The following KIAA1958 variants were observed in gnomAD, a reference collection of about 807,000 sequenced individuals.
KIAA1958 encodes the protein KIAA1958, also known as uncharacterized protein KIAA1958.
KIAA1958 carries 14 observed loss-of-function variants against 47.2 expected under a neutral mutation model. The ratio of observed to expected loss-of-function variants is 0.30; its 90% CI spans 0.20 to 0.46. The LOEUF is 0.46. Ranked by LOEUF, KIAA1958 falls within the 20% of genes least tolerant of loss-of-function variation. The probability of loss-of-function intolerance (pLI) is 1.00; values close to 1 mark genes in which losing one functional copy is unlikely to be tolerated. For synonymous variants in KIAA1958, 354 were observed against 353.3 expected (o/e 1.00, Z -0.02); for missense variants, 803 against 909.2 (o/e 0.88, Z 1.50).
chr9:112,617,075 A>G (rs1301196218), intron 2 of KIAA1958, among the ~76,000 whole-genome samples: 1 of 152,222 alleles, frequency 6.6e-6, no homozygotes, highest in African/African-American at 2.4e-5. Flanking sequence ...CAAAACAGAA[A>G]GAGGCACCTC....
Position 112,659,849 on chromosome 9 carries a change from C to A in KIAA1958, c.1931C>A (p.Thr644Asn), listed in dbSNP as rs114233958. ...TACATGTACATCCACCGGCCGCCCA[C>A]CCAAATGGAGGCCAAGTCCCCCTTC... Reference protein sequence around the residue: ...YKYMYIHRPPTQMEAKSPFYL... With the variant: ...YKYMYIHRPPNQMEAKSPFYL... Residue 644 changes from threonine to asparagine, a missense_variant, in exon 4 of 4, where the codon ACC becomes AAC. Physicochemically the swap from Thr to Asn is moderately conservative, Grantham distance 65. Transcript: ENST00000337530. 1,023 of 1,614,156 alleles carry A rather than the reference C, an allele frequency of 6.3e-4. 8 individuals are homozygous for A. In the African/African-American group the frequency reaches 0.012, roughly 18 times the overall value.
chr9:112,599,617 A>G (rs1440908760), intron 2 of KIAA1958, among the ~76,000 whole-genome samples: 7 of 152,212 alleles, frequency 4.6e-5, no homozygotes, highest in Admixed American at 2.0e-4. Flanking sequence ...AAGGAGAGCC[A>G]TATGTGCAAA....
chr9:112,649,908 G>A, intron 3 of KIAA1958, among the ~76,000 whole-genome samples: 1 of 151,974 alleles, frequency 6.6e-6, no homozygotes, highest in Non-Finnish European at 1.5e-5. Flanking sequence ...TCTAAACAAA[G>A]GAATGAAGAT....
chr9:112,513,635 G>T (rs1181986587), intron 1 of KIAA1958, among the ~76,000 whole-genome samples: 1 of 126,590 alleles, frequency 7.9e-6, no homozygotes, highest in Non-Finnish European at 1.7e-5. Context: ...CGACCGCCGG[G>T]AGGATGGAGT....
intron 1 of KIAA1958, among the ~76,000 whole-genome samples, chr9:112,493,055 A>G (rs1833997817): frequency 6.6e-6 from 1 of 151,858 alleles, no homozygotes; most frequent in African/African-American, 2.4e-5. Context: ...CCTGGCCAAA[A>G]TTCTTAATAG....
chr9:112,597,017 C>T (rs906622678), intron 2 of KIAA1958, among the ~76,000 whole-genome samples: 1 of 13,150 alleles, frequency 7.6e-5, no homozygotes, highest in Non-Finnish European at 1.3e-4. Flanking sequence ...AGTATTTCAT[C>T]TCTTAAAATT....
intron 1 of KIAA1958, among the ~76,000 whole-genome samples, chr9:112,559,672 T>G (rs1835294785): frequency 6.6e-6 from 1 of 152,238 alleles, no homozygotes; most frequent in Non-Finnish European, 1.5e-5. Context: ...TTCTTTGTTA[T>G]GAGACACTGT....
chr9:112,655,633 C>T (rs1837138125), intron 3 of KIAA1958, among the ~76,000 whole-genome samples: 2 of 152,166 alleles, frequency 1.3e-5, no homozygotes, highest in African/African-American at 4.8e-5. Flanking sequence ...GGGTAAATAG[C>T]CAAGGCTAGT....
At chr9:112,651,416 A>G (rs1837053679) in intron 3 of KIAA1958, among the ~76,000 whole-genome samples, 1 of 145,288 alleles carries the variant, frequency 6.9e-6, no homozygotes, top group South Asian at 2.1e-4. Context: ...TTTTTCGGAG[A>G]CAGAGTCTCA....
intron 2 of KIAA1958, among the ~76,000 whole-genome samples, chr9:112,594,033 T>G (rs1006154582): frequency 3.3e-5 from 5 of 152,020 alleles, no homozygotes; most frequent in African/African-American, 1.2e-4. Flanking sequence ...TCTGGCTATT[T>G]TTATTGTTTT....
chr9:112,558,173 C>T (rs944041755), intron 1 of KIAA1958, among the ~76,000 whole-genome samples: 5 of 151,752 alleles, frequency 3.3e-5, no homozygotes, highest in South Asian at 2.1e-4. Flanking sequence ...TACAGTGAAC[C>T]GAGATCGCGC....
chr9:112,518,240 C>G (rs1834472344), intron 1 of KIAA1958, among the ~76,000 whole-genome samples: 4 of 152,224 alleles, frequency 2.6e-5, no homozygotes, highest in Middle Eastern at 6.8e-3. Flanking sequence ...AAAAGGAAAG[C>G]ATGTATATGT....
chr9:112,646,470 A>C (rs1452309333), intron 3 of KIAA1958, among the ~76,000 whole-genome samples: 1 of 152,262 alleles, frequency 6.6e-6, no homozygotes, highest in African/African-American at 2.4e-5. Flanking sequence ...GAGAGAAGAA[A>C]CATAATGAAA....
chr9:112,497,006 C>T (rs1173853182), intron 1 of KIAA1958, among the ~76,000 whole-genome samples: 3 of 152,104 alleles, frequency 2.0e-5, no homozygotes, highest in African/African-American at 4.8e-5. Context: ...TTATTGTCCA[C>T]CTATTTTGTT....
At chr9:112,528,235 C>G (rs1329614906) in intron 1 of KIAA1958, among the ~76,000 whole-genome samples, 1 of 152,174 alleles carries the variant, frequency 6.6e-6, no homozygotes, top group Non-Finnish European at 1.5e-5. Context: ...CTGGTGCCTC[C>G]TTGCCATTCA....
At chr9:112,547,595 A>G (rs1416784557) in intron 1 of KIAA1958, among the ~76,000 whole-genome samples, 1 of 12,996 alleles carries the variant, frequency 7.7e-5, no homozygotes, top group Non-Finnish European at 1.3e-4. Context: ...AGACTGACAA[A>G]ACAGACTCTT....
intron 1 of KIAA1958, among the ~76,000 whole-genome samples, chr9:112,553,920 A>T (rs1230295300): frequency 6.6e-6 from 1 of 152,220 alleles, no homozygotes; most frequent in Non-Finnish European, 1.5e-5. Flanking sequence ...ATATTTTCAT[A>T]GTTATAAAGT....
chr9:112,569,923 C>T (rs1351432241), intron 1 of KIAA1958, among the ~76,000 whole-genome samples: 1 of 151,984 alleles, frequency 6.6e-6, no homozygotes. Flanking sequence ...TGCACCTGGC[C>T]CAAATAAGCA....
intron 2 of KIAA1958, among the ~76,000 whole-genome samples, chr9:112,603,481 AATG>A (rs934782383): frequency 6.6e-6 from 1 of 152,022 alleles, no homozygotes; most frequent in Non-Finnish European, 1.5e-5. Flanking sequence ...TTCCTAAACA[AATG>A]ATACCCATCC....
Sources: gnomAD v4.1 joint callset for allele counts (sites outside exome capture counted in the v4.1 genomes callset) on GRCh38, gnomAD v4.1.1 for gene constraint, MANE v1.5 for transcripts, NCBI Gene and HGNC (gene_info 2026-07-23, HGNC 2026-07-21) for gene names.